The following OLFM3 variants were observed in gnomAD, a reference collection of about 807,000 sequenced individuals.
The protein encoded by OLFM3 is noelin-3.
In OLFM3, 20 loss-of-function variants were observed where a neutral mutation model predicts 48.6. The observed-to-expected ratio is 0.41, with a 90% CI of 0.29 to 0.60. The LOEUF is 0.60. Ranked by LOEUF, OLFM3 falls within the 20% of genes least tolerant of loss-of-function variation. OLFM3 has a pLI of 0.28. For missense variants in OLFM3, 437 were observed against 544.3 expected (o/e 0.80, Z 1.96); for synonymous variants, 222 against 198.1 (o/e 1.12, Z -1.01).
chr1:101,888,685 A>C (rs1657868954), intron 1 of OLFM3, among the ~76,000 whole-genome samples: 1 of 152,190 alleles, frequency 6.6e-6, no homozygotes, highest in Non-Finnish European at 1.5e-5. Context: ...CTGCACAGCA[A>C]AAGAAACTAC....
intron 1 of OLFM3, among the ~76,000 whole-genome samples, chr1:101,915,255 A>G (rs1658884082): frequency 1.3e-5 from 2 of 152,138 alleles, no homozygotes; most frequent in African/African-American, 4.8e-5. Flanking sequence ...AATTTTTTGG[A>G]GTGCTTTATT....
intron 3 of OLFM3, among the ~76,000 whole-genome samples, chr1:101,830,128 A>G (rs1023895436): frequency 6.6e-6 from 1 of 152,030 alleles, no homozygotes; most frequent in Non-Finnish European, 1.5e-5. Flanking sequence ...GTGAGCCACC[A>G]CGCCCGGCCG....
intron 1 of OLFM3, among the ~76,000 whole-genome samples, chr1:101,846,512 A>T (rs1656000065): frequency 6.6e-6 from 1 of 151,964 alleles, no homozygotes; most frequent in Non-Finnish European, 1.5e-5. Flanking sequence ...TACAGATATT[A>T]AAATAAGTAA....
At chr1:101,908,125 C>T (rs189255958) in intron 1 of OLFM3, among the ~76,000 whole-genome samples, 6 of 152,232 alleles carry the variant, frequency 3.9e-5, no homozygotes, top group African/African-American at 1.4e-4. Context: ...TCCATAATTT[C>T]GTTTAATGAT....
chr1:101,837,081 G>A, intron 1 of OLFM3, 56 bp from the exon 2 acceptor site: 2 of 1,519,876 alleles, frequency 1.3e-6, no homozygotes, highest in Non-Finnish European at 1.8e-6. Context: ...GATAAAAAGA[G>A]TGTTGGTTTG....
chr1:101,931,459 C>G (rs887060576), intron 1 of OLFM3, among the ~76,000 whole-genome samples: 16 of 152,266 alleles, frequency 1.1e-4, no homozygotes, highest in African/African-American at 3.1e-4. Flanking sequence ...TAGAATTGAT[C>G]TTATAGTAAG....
At position 101,881,685 on chromosome 1, in the gene OLFM3, G is replaced by A. The variant is rs540755104; in HGVS notation, c.70-44660C>T. On this transcript the variant is annotated intron_variant, in intron 1 of 5. Transcript: ENST00000370103. The stretch of plus-strand genomic sequence containing the variant: ...ACCTACATGCTACAAGCCACCATAT[G>A]CACAGACTATACAGTGAGTTGAGTT... Among the ~76,000 whole-genome samples the A allele has an allele frequency of 8.6e-4, 130 of 151,752 alleles. 1 individual carries two copies. The highest frequency in any genetic ancestry group is 3.1e-3 in the African/African-American group (128 of 41,406).
chr1:101,878,114 C>T (rs1255748392), intron 1 of OLFM3, among the ~76,000 whole-genome samples: 2 of 151,712 alleles, frequency 1.3e-5, no homozygotes, highest in Non-Finnish European at 2.9e-5. Context: ...TAATGCAAGA[C>T]CTTGAGACTC....
intron 1 of OLFM3, among the ~76,000 whole-genome samples, chr1:101,979,092 T>G (rs1557755177): frequency 5.3e-5 from 8 of 152,132 alleles, no homozygotes; most frequent in African/African-American, 1.9e-4. Context: ...GTATGTCTTG[T>G]GGGGGGGCAT....
chr1:101,816,802 A>G (rs1654357561), intron 4 of OLFM3, among the ~76,000 whole-genome samples: 2 of 152,180 alleles, frequency 1.3e-5, no homozygotes, highest in African/African-American at 4.8e-5. Flanking sequence ...AATAAACACC[A>G]TCAGCGTTAT....
At chr1:101,875,363 A>T (rs188211290) in intron 1 of OLFM3, among the ~76,000 whole-genome samples, 4 of 152,056 alleles carry the variant, frequency 2.6e-5, no homozygotes, top group Admixed American at 6.6e-5. Flanking sequence ...GTTAATTTTT[A>T]GTTAGTGTTA....
intron 1 of OLFM3, among the ~76,000 whole-genome samples, chr1:101,946,760 G>A (rs1659977045): frequency 6.6e-6 from 1 of 151,952 alleles, no homozygotes; most frequent in Non-Finnish European, 1.5e-5. Context: ...ACTTTTTTTA[G>A]TAAATAAAAT....
chr1:101,963,352 G>T (rs1660519230), intron 1 of OLFM3, among the ~76,000 whole-genome samples: 2 of 152,146 alleles, frequency 1.3e-5, no homozygotes, highest in Admixed American at 6.5e-5. Flanking sequence ...AGGTGGGAGG[G>T]TAACCCCTGA....
intron 1 of OLFM3, among the ~76,000 whole-genome samples, chr1:101,848,595 T>C (rs1656104629): frequency 6.6e-6 from 1 of 152,162 alleles, no homozygotes; most frequent in Non-Finnish European, 1.5e-5. Flanking sequence ...ATTATTACTT[T>C]TCTATTCTTT....
chr1:101,901,254 T>A (rs1658378332), intron 1 of OLFM3, among the ~76,000 whole-genome samples: 1 of 152,052 alleles, frequency 6.6e-6, no homozygotes, highest in African/African-American at 2.4e-5. Flanking sequence ...CAGGGAAGAC[T>A]TCAGAAAAAT....
chr1:101,880,839 A>T (rs939897133), intron 1 of OLFM3, among the ~76,000 whole-genome samples: 2 of 151,840 alleles, frequency 1.3e-5, no homozygotes, highest in Non-Finnish European at 2.9e-5. Flanking sequence ...TTAATATTTG[A>T]TAAAGATTTT....
intron 1 of OLFM3, among the ~76,000 whole-genome samples, chr1:101,953,067 T>C (rs1297918101): frequency 6.6e-6 from 1 of 152,196 alleles, no homozygotes; most frequent in Non-Finnish European, 1.5e-5. Flanking sequence ...GACTTATTAA[T>C]TTAAAAATGT....
chr1:101,963,646 G>A (rs1660528065), intron 1 of OLFM3, among the ~76,000 whole-genome samples: 2 of 152,008 alleles, frequency 1.3e-5, no homozygotes, highest in African/African-American at 4.8e-5. Flanking sequence ...TCCAAGAGAT[G>A]CAAACAAGTT....
At chr1:101,830,241 C>A (rs1655083081) in intron 3 of OLFM3, among the ~76,000 whole-genome samples, 2 of 152,014 alleles carry the variant, frequency 1.3e-5, no homozygotes, top group Non-Finnish European at 2.9e-5. Context: ...ATTGCCAATA[C>A]AACACTTAAA....
Sources: gnomAD v4.1 joint callset for allele counts (sites outside exome capture counted in the v4.1 genomes callset) on GRCh38, gnomAD v4.1.1 for gene constraint, MANE v1.5 for transcripts, NCBI Gene and HGNC (gene_info 2026-07-23, HGNC 2026-07-21) for gene names.